NLGN1: variants seen among roughly 807,000 people sequenced by gnomAD.
NLGN1 encodes neuroligin 1.
A neutral mutation model predicts 65.5 loss-of-function variants in NLGN1; 12 were observed. The ratio of observed to expected loss-of-function variants is 0.18; its 90% CI spans 0.12 to 0.30. The LOEUF (loss-of-function observed/expected upper bound fraction) is 0.30. Ranked by LOEUF, NLGN1 falls within the 10% of genes least tolerant of loss-of-function variation. The pLI, the probability that NLGN1 is intolerant of heterozygous loss-of-function variation, is 1.00. For synonymous variants in NLGN1, 350 were observed against 359.5 expected, an observed-to-expected ratio of 0.97 and a Z score of 0.30; for missense variants, 750 against 1,007.1, an observed-to-expected ratio of 0.74 and a Z score of 3.46.
intron 2 of NLGN1, among the ~76,000 whole-genome samples, chr3:173,516,815 A>G (rs1180871334): frequency 6.6e-6 from 1 of 152,070 alleles, no homozygotes; most frequent in Non-Finnish European, 1.5e-5. Flanking sequence ...TTAGCAGAAG[A>G]CCATGATTTT....
intron 4 of NLGN1, among the ~76,000 whole-genome samples, chr3:173,994,485 AAAAAAAAG>A (rs1721844408): frequency 7.9e-6 from 1 of 126,660 alleles, no homozygotes; most frequent in Admixed American, 8.1e-5. Context: ...AAAAAAAAAA[AAAAAAAAG>A]AGAGAGAGAG....
intron 4 of NLGN1, among the ~76,000 whole-genome samples, chr3:173,818,599 T>G (rs895390851): frequency 6.6e-5 from 10 of 151,948 alleles, no homozygotes; most frequent in Admixed American, 3.9e-4. Flanking sequence ...GTTTGTAAAA[T>G]AGAAAATACA....
chr3:174,221,175 GC>G (rs1738572315), intron 4 of NLGN1, among the ~76,000 whole-genome samples: 1 of 152,106 alleles, frequency 6.6e-6, no homozygotes, highest in South Asian at 2.1e-4. Context: ...AAGATGGCAG[GC>G]AGAACCATAT....
chr3:173,655,576 A>G (rs1008656449), intron 3 of NLGN1, among the ~76,000 whole-genome samples: 1 of 152,046 alleles, frequency 6.6e-6, no homozygotes, highest in African/African-American at 2.4e-5. Context: ...TTTTGAAAAA[A>G]AAAATCTACC....
chr3:174,119,558 T>C (rs962270550), intron 4 of NLGN1, among the ~76,000 whole-genome samples: 1 of 152,168 alleles, frequency 6.6e-6, no homozygotes, highest in African/African-American at 2.4e-5. Flanking sequence ...TGGACTTACA[T>C]TGGGGTTGTC....
chr3:173,963,368 G>C (rs1714059922), intron 4 of NLGN1, among the ~76,000 whole-genome samples: 1 of 152,180 alleles, frequency 6.6e-6, no homozygotes, highest in Non-Finnish European at 1.5e-5. Context: ...GACATGGAAA[G>C]ATGGAGCAAA....
intron 4 of NLGN1, among the ~76,000 whole-genome samples, chr3:173,930,179 G>A (rs567486805): frequency 5.9e-4 from 90 of 152,226 alleles, no homozygotes; most frequent in Non-Finnish European, 1.1e-3. Flanking sequence ...TGGAAATTCC[G>A]TACCTACTGG....
At chr3:173,757,104 G>T (rs12632203) in intron 3 of NLGN1, among the ~76,000 whole-genome samples, 72,571 of 151,760 alleles carry the variant, frequency 0.48, 20,099 homozygotes, top group East Asian at 0.68. Context: ...AATTCTGTGT[G>T]TAAATTGTGG....
At chr3:173,818,684 A>G (rs1249743806) in intron 4 of NLGN1, among the ~76,000 whole-genome samples, 2 of 152,110 alleles carry the variant, frequency 1.3e-5, no homozygotes, top group Admixed American at 6.6e-5. Flanking sequence ...GTAACCTTGG[A>G]ACTTTGCAGA....
intron 3 of NLGN1, among the ~76,000 whole-genome samples, chr3:173,806,996 GA>G: frequency 6.6e-6 from 1 of 152,280 alleles, no homozygotes; most frequent in Non-Finnish European, 1.5e-5. Flanking sequence ...AAAGGGTAAG[GA>G]GAGCTGGATA....
intron 4 of NLGN1, among the ~76,000 whole-genome samples, chr3:174,207,103 T>A (rs1383324912): frequency 6.6e-6 from 1 of 152,092 alleles, no homozygotes; most frequent in African/African-American, 2.4e-5. Flanking sequence ...AAGTTCTTTT[T>A]CTTTTTCTTC....
At chr3:173,830,017 A>G (rs58263301) in intron 4 of NLGN1, among the ~76,000 whole-genome samples, 113,815 of 138,316 alleles carry the variant, frequency 0.82, 47,676 homozygotes, top group African/African-American at 0.91. Context: ...TGGGGGGGGG[A>G]GGGAGAGAAT....
Position 174,279,216 on chromosome 3 carries a change from T to C in NLGN1, c.1215T>C (p.Gly405=). ...AAAATATAGTAGATAGCGATGATGGTATATCAGCTAGTGATTTTGACTTTG... is the reference window on the plus strand; with the variant it reads ...AAAATATAGTAGATAGCGATGATGGCATATCAGCTAGTGATTTTGACTTTG... Residue 405 remains glycine, a synonymous_variant, in exon 6 of 7, where the codon GGT becomes GGC. Transcript: ENST00000457714. The surrounding 1 kb of genome is among the most constrained non-coding windows in gnomAD (Gnocchi z 4.7). The C allele has an allele frequency of 6.2e-7, 1 of 1,613,384 alleles. No homozygotes were observed. Among genetic ancestry groups the C allele is most frequent in the Non-Finnish European group, 8.5e-7 (1 of 1,179,548 alleles).
At chr3:173,632,550 T>C (rs540019936) in intron 3 of NLGN1, among the ~76,000 whole-genome samples, 2 of 152,092 alleles carry the variant, frequency 1.3e-5, no homozygotes, top group Non-Finnish European at 2.9e-5. Context: ...CAGAAAAAAA[T>C]GGCCTTGGTT....
At position 173,907,582 on chromosome 3, in the gene NLGN1, C is replaced by CTTT. The variant is rs561283815; in HGVS notation, c.646+99768_646+99770dup. Among the ~76,000 whole-genome samples, 151 of 120,656 alleles carry CTTT rather than the reference C, an allele frequency of 1.3e-3. 2 individuals carry two copies. The East Asian group carries it at 0.021, about 17-fold the overall frequency. The allele number at this position is 120,656 out of a possible 152,430, so 79.2% of individuals were successfully genotyped here. ...CTTAGATGGCTTTATCTCTCTCTCT[C>CTTT]TTTTTTTTTTTTTTTTTTTTGAGTT... On this transcript the variant is annotated intron_variant, in intron 4 of 6. Coordinates refer to ENST00000457714, the Ensembl canonical transcript of NLGN1.
chr3:173,713,480 T>C (rs1378549371), intron 3 of NLGN1, among the ~76,000 whole-genome samples: 1 of 152,096 alleles, frequency 6.6e-6, no homozygotes, highest in Non-Finnish European at 1.5e-5. Context: ...CACCAAACAC[T>C]AGCTTTATGT....
chr3:173,729,038 G>A (rs1410265809), intron 3 of NLGN1, among the ~76,000 whole-genome samples: 1 of 152,042 alleles, frequency 6.6e-6, no homozygotes, highest in Non-Finnish European at 1.5e-5. Flanking sequence ...CAGATTACCT[G>A]ATGGAATCTT....
chr3:174,269,283 G>A (rs563227652), intron 4 of NLGN1, among the ~76,000 whole-genome samples: 1 of 151,750 alleles, frequency 6.6e-6, no homozygotes, highest in Non-Finnish European at 1.5e-5. Context: ...CAGATCTCTA[G>A]AACTTTTTCA....
At chr3:173,819,010 A>T (rs1465200896) in intron 4 of NLGN1, among the ~76,000 whole-genome samples, 1 of 148,172 alleles carries the variant, frequency 6.7e-6, no homozygotes, top group Non-Finnish European at 1.5e-5. Flanking sequence ...TTTAAAATAT[A>T]GTGCAATTTC....
Sources: allele counts gnomAD v4.1 joint callset (sites outside exome capture counted in the v4.1 genomes callset), GRCh38; gene constraint gnomAD v4.1.1; non-coding constraint Gnocchi (gnomAD v3.1); transcripts MANE v1.5; gene names NCBI Gene and HGNC (gene_info 2026-07-23, HGNC 2026-07-21).